Variants in PALLD observed in about 807,000 individuals in gnomAD.
PALLD encodes palladin, cytoskeletal associated protein.
PALLD carries 61 observed loss-of-function variants against 123.5 expected under a neutral mutation model. That is an observed-to-expected ratio of 0.49 (90% confidence interval 0.40 to 0.61). The LOEUF (loss-of-function observed/expected upper bound fraction) is 0.61, where lower values mean the gene tolerates loss of function less well. Ranked by LOEUF, PALLD falls within the 20% of genes least tolerant of loss-of-function variation. PALLD has a pLI of 0.00. For synonymous variants in PALLD, 465 were observed against 496.4 expected, an observed-to-expected ratio of 0.94 and a Z score of 0.84; for missense variants, 1,273 against 1,377.0, an observed-to-expected ratio of 0.92 and a Z score of 1.20.
intron 10 of PALLD, among the ~76,000 whole-genome samples, chr4:168,799,186 G>A (rs1738951229): frequency 6.6e-6 from 1 of 152,200 alleles, no homozygotes; most frequent in Non-Finnish European, 1.5e-5. Flanking sequence ...AGGTATGGCT[G>A]CTGGGATTGG....
chr4:168,877,953 C>T lies in PALLD; in HGVS notation c.1965-12969C>T. The T allele has an allele frequency of 1.3e-6, 2 of 1,501,588 alleles. No homozygotes were observed. The highest frequency in any genetic ancestry group is 1.8e-6 in the Non-Finnish European group (2 of 1,130,642). The allele number at this position is 1,501,588 out of a possible 1,614,324, so 93.0% of individuals were successfully genotyped here. A position where few individuals can be genotyped will look rare whatever the true frequency, so the allele number is the denominator to read the frequency against. ...CAGTCCTCCGGCTCCTTCAACTACGCGCGCCCCAAGCAGTTCATCGCCGCG... is the reference window on the plus strand; with the variant it reads ...CAGTCCTCCGGCTCCTTCAACTACGTGCGCCCCAAGCAGTTCATCGCCGCG... On this transcript the variant is annotated intron_variant, in intron 10 of 21. Coordinates refer to ENST00000505667, the MANE Select transcript of PALLD (RefSeq NM_001166108.2).
At chr4:168,708,537 T>G (rs1024211146) in intron 8 of PALLD, among the ~76,000 whole-genome samples, 14 of 152,220 alleles carry the variant, frequency 9.2e-5, no homozygotes, top group Non-Finnish European at 1.8e-4. Context: ...CCAGAATAGT[T>G]GTCTACAGGT....
intron 3 of PALLD, among the ~76,000 whole-genome samples, chr4:168,674,077 G>C (rs1408981821): frequency 1.3e-5 from 2 of 152,186 alleles, no homozygotes; most frequent in Admixed American, 1.3e-4. Context: ...ACCATGCCCG[G>C]CTAATTTTTG....
intron 10 of PALLD, among the ~76,000 whole-genome samples, chr4:168,814,318 A>AT (rs1220921519): frequency 6.6e-6 from 1 of 152,126 alleles, no homozygotes; most frequent in Non-Finnish European, 1.5e-5. Flanking sequence ...CCAATTCCTG[A>AT]TTTTTTTGCA....
intron 2 of PALLD, among the ~76,000 whole-genome samples, chr4:168,560,724 G>C (rs953213832): frequency 1.3e-5 from 2 of 152,164 alleles, no homozygotes; most frequent in Non-Finnish European, 2.9e-5. Context: ...TTCCTAGTAA[G>C]TGCCAGGTAC....
intron 10 of PALLD, among the ~76,000 whole-genome samples, chr4:168,807,065 G>A (rs573865777): frequency 2.0e-5 from 3 of 152,260 alleles, no homozygotes; most frequent in East Asian, 1.9e-4. Flanking sequence ...TACCCAGGGC[G>A]ATGAGAGCCA....
At chr4:168,631,992 TA>T in intron 2 of PALLD, 1 of 766,308 alleles carries the variant, frequency 1.3e-6, no homozygotes, top group South Asian at 5.9e-5. Flanking sequence ...GTGCGAAGAG[TA>T]CTGTTTGGGG....
At chr4:168,618,126 C>T (rs1020770614) in intron 2 of PALLD, among the ~76,000 whole-genome samples, 1 of 152,160 alleles carries the variant, frequency 6.6e-6, no homozygotes, top group African/African-American at 2.4e-5. Context: ...TCCAGTCCTA[C>T]CACCTCTGAT....
rs780911413 is a variant in PALLD at position 168,511,931 on chromosome 4, C to G, written c.427C>G (p.Arg143Gly). 6.2e-7 allele frequency: 1 copy of G among 1,614,192 alleles called. No individual in the cohort carries two copies. Among genetic ancestry groups the G allele is most frequent in the South Asian group, 1.1e-5 (1 of 91,090 alleles). The change falls in exon 2 of 22, where the codon CGT (arginine) becomes GGT (glycine). Residue 143 changes from arginine to glycine, a missense_variant. By Grantham distance (125) the Arg-to-Gly change is moderately radical (BLOSUM62 -2). Around this residue, in one of 2 missense-constraint regions of PALLD, gnomAD observed 944 missense variants for 954.5 expected, o/e 0.99. Coordinates refer to ENST00000505667, the MANE Select transcript of PALLD (RefSeq NM_001166108.2). ...CCGGAGCCTCCGAAAGGCTGAAAAGCGTGGTGCAAAAACTCCCAGCACAAA... is the reference window on the plus strand; with the variant it reads ...CCGGAGCCTCCGAAAGGCTGAAAAGGGTGGTGCAAAAACTCCCAGCACAAA... ...YIRSLRKAEK[R>G]GAKTPSTNVK...
At chr4:168,717,540 C>T (rs138464009) in intron 10 of PALLD, among the ~76,000 whole-genome samples, 2,724 of 151,914 alleles carry the variant, frequency 0.018, 65 homozygotes, top group African/African-American at 0.052. Context: ...TAGTAGAGAC[C>T]GGGTTTCACC....
intron 2 of PALLD, among the ~76,000 whole-genome samples, chr4:168,639,791 G>C (rs373424818): frequency 6.6e-6 from 1 of 152,044 alleles, no homozygotes; most frequent in Admixed American, 6.5e-5. Flanking sequence ...TGATCCGCCC[G>C]CCTCGGCCAC....
At chr4:168,620,058 C>T (rs138922828) in intron 2 of PALLD, among the ~76,000 whole-genome samples, 2 of 152,308 alleles carry the variant, frequency 1.3e-5, no homozygotes, top group East Asian at 3.9e-4. Context: ...AGAGCAAAAT[C>T]AGCTGACTCC....
At chr4:168,849,435 A>G (rs78971476) in intron 10 of PALLD, among the ~76,000 whole-genome samples, 377 of 152,346 alleles carry the variant, frequency 2.5e-3, no homozygotes, top group African/African-American at 8.6e-3. Context: ...TAGCTGCAGA[A>G]GAAAAAGGAG....
chr4:168,718,413 C>A (rs778496903), intron 10 of PALLD, among the ~76,000 whole-genome samples: 9 of 152,194 alleles, frequency 5.9e-5, no homozygotes, highest in African/African-American at 2.2e-4. Flanking sequence ...ATTTTAAAAT[C>A]TAGCACACTT....
chr4:168,600,614 C>T (rs558485736), intron 2 of PALLD, among the ~76,000 whole-genome samples: 46 of 152,208 alleles, frequency 3.0e-4, no homozygotes, highest in Middle Eastern at 6.8e-3. Flanking sequence ...TTAGGAAAAA[C>T]ATGAACCCAG....
Position 168,800,580 on chromosome 4 carries a change from T to C in PALLD, c.1964+88657T>C, listed in dbSNP as rs571081745. Among the ~76,000 whole-genome samples the C allele has an allele frequency of 3.3e-5, 5 of 152,318 alleles. No homozygotes were observed. In the South Asian group the frequency reaches 1.0e-3, roughly 32 times the overall value. On this transcript the variant is annotated intron_variant, in intron 10 of 21. Coordinates refer to ENST00000505667, the MANE Select transcript of PALLD (RefSeq NM_001166108.2). ...GAGATACCATTACACACCCATTTAA[T>C]TGGCAAAAATTTAAGCCTGATAATA...
chr4:168,747,964 A>G (rs945363834), intron 10 of PALLD, among the ~76,000 whole-genome samples: 3 of 152,178 alleles, frequency 2.0e-5, no homozygotes, highest in East Asian at 1.9e-4. Flanking sequence ...TTTCTTATCA[A>G]TTCCCACTTC....
intron 10 of PALLD, among the ~76,000 whole-genome samples, chr4:168,846,271 TGTTTCCTTTTATAAC>T (rs1465158725): frequency 4.6e-5 from 7 of 152,372 alleles, no homozygotes; most frequent in African/African-American, 1.7e-4. Context: ...AGTTTTCTCA[TGTTTCCTTTTATAAC>T]GTGGACAACT....
intron 2 of PALLD, among the ~76,000 whole-genome samples, chr4:168,630,994 A>G (rs1662650565): frequency 6.6e-6 from 1 of 152,170 alleles, no homozygotes; most frequent in African/African-American, 2.4e-5. Context: ...TCATCCCTCA[A>G]TGAGTCGCAA....
Sources: gnomAD v4.1 joint callset for allele counts (sites outside exome capture counted in the v4.1 genomes callset) on GRCh38, gnomAD v4.1.1 for gene constraint, gnomAD v4.1.1 regional missense constraint, MANE v1.5 for transcripts, NCBI Gene and HGNC (gene_info 2026-07-23, HGNC 2026-07-21) for gene names.